NALF1: variants seen among roughly 807,000 people sequenced by gnomAD.
NALF1 encodes family with sequence similarity 155 member A.
A neutral mutation model predicts 48.4 loss-of-function variants in NALF1; 3 were observed. The ratio of observed to expected loss-of-function variants is 0.06; its 90% CI spans 0.03 to 0.16. The LOEUF is 0.16. Ranked by LOEUF, NALF1 falls within the 10% of genes least tolerant of loss-of-function variation. The pLI, the probability that NALF1 is intolerant of heterozygous loss-of-function variation, is 1.00. For synonymous variants in NALF1, 262 were observed against 245.7 expected (o/e 1.07, Z -0.62); for missense variants, 526 against 571.5 (o/e 0.92, Z 0.81).
In NALF1 at chr13:107,610,877, G is replaced by A. The variant is rs150987081; in HGVS notation, c.915+254805C>T. ...ATCAGTGGGGGACCAGGGGCTGGGCGAGCTGACACTAGTGTTGAGAATGAC... is the reference window on the plus strand; with the variant it reads ...ATCAGTGGGGGACCAGGGGCTGGGCAAGCTGACACTAGTGTTGAGAATGAC... On this transcript the variant is annotated intron_variant, in intron 1 of 2. Coordinates refer to ENST00000375915, the MANE Select transcript of NALF1 (RefSeq NM_001080396.3). 6.4e-3 allele frequency among the ~76,000 whole-genome samples: 978 copies of A among 152,282 alleles called. 15 individuals are homozygous for A. The highest frequency in any genetic ancestry group is 0.022 in the African/African-American group (934 of 41,526).
intron 1 of NALF1, among the ~76,000 whole-genome samples, chr13:107,398,043 T>A (rs1337432808): frequency 6.6e-5 from 10 of 152,306 alleles, no homozygotes; most frequent in African/African-American, 1.9e-4. Context: ...AGCAGATTAA[T>A]AATAAGCAAT....
chr13:107,258,794 G>A (rs962364895), intron 1 of NALF1, among the ~76,000 whole-genome samples: 3 of 116,400 alleles, frequency 2.6e-5, no homozygotes, highest in African/African-American at 1.2e-4. Flanking sequence ...AAAGGCTTAA[G>A]GAATTGAGGA....
chr13:107,377,622 TA>T (rs1883360956), intron 1 of NALF1, among the ~76,000 whole-genome samples: 1 of 151,680 alleles, frequency 6.6e-6, no homozygotes, highest in African/African-American at 2.4e-5. Flanking sequence ...AAAATAAAAA[TA>T]AAAAATAATA....
chr13:107,726,771 C>G (rs113612724), intron 1 of NALF1, among the ~76,000 whole-genome samples: 1 of 140,698 alleles, frequency 7.1e-6, no homozygotes, highest in Non-Finnish European at 1.5e-5. Flanking sequence ...CCACCACATG[C>G]GGCTAATTTT....
At chr13:107,573,551 T>A (rs1430538002) in intron 1 of NALF1, among the ~76,000 whole-genome samples, 2 of 152,174 alleles carry the variant, frequency 1.3e-5, no homozygotes, top group Non-Finnish European at 2.9e-5. Context: ...TAGTGATTTA[T>A]AGCAGAACTT....
intron 1 of NALF1, among the ~76,000 whole-genome samples, chr13:107,748,564 C>A (rs960418947): frequency 2.0e-5 from 3 of 152,114 alleles, no homozygotes; most frequent in Non-Finnish European, 2.9e-5. Context: ...AGCACAATTG[C>A]TTGAACAATG....
rs191361565 is a variant in NALF1, at chr13:107,467,465, A to G, written c.916-256710T>C. Among the ~76,000 whole-genome samples the G allele has an allele frequency of 2.5e-4, 38 of 151,716 alleles. 1 individual carries two copies. The East Asian group carries it at 7.2e-3, about 29-fold the overall frequency. On this transcript the variant is annotated intron_variant, in intron 1 of 2. Transcript: ENST00000375915. ...CTTCCATTTCTATGTGAAATATATTAAAATTTTCATGATCTACCCACAAAG... is the reference window on the plus strand; with the variant it reads ...CTTCCATTTCTATGTGAAATATATTGAAATTTTCATGATCTACCCACAAAG...
intron 1 of NALF1, among the ~76,000 whole-genome samples, chr13:107,554,484 C>A (rs960974244): frequency 6.6e-6 from 1 of 152,090 alleles, no homozygotes; most frequent in Non-Finnish European, 1.5e-5. Flanking sequence ...AGGAAAGACC[C>A]AGGCCAGGCA....
chr13:107,323,317 A>T (rs1232323147), intron 1 of NALF1, among the ~76,000 whole-genome samples: 1 of 152,216 alleles, frequency 6.6e-6, no homozygotes, highest in Non-Finnish European at 1.5e-5. Flanking sequence ...ATTTGAAGAC[A>T]CTTCACCAAT....
At chr13:107,739,837 T>A (rs150827225) in intron 1 of NALF1, among the ~76,000 whole-genome samples, 1 of 152,140 alleles carries the variant, frequency 6.6e-6, no homozygotes, top group African/African-American at 2.4e-5. Flanking sequence ...CAGATGCACA[T>A]AGAAGCGCAA....
chr13:107,689,172 C>T (rs1026532503), intron 1 of NALF1, among the ~76,000 whole-genome samples: 1 of 152,166 alleles, frequency 6.6e-6, no homozygotes, highest in Non-Finnish European at 1.5e-5. Context: ...ACCAGATCTG[C>T]GCGCTAGTAG....
intron 1 of NALF1, among the ~76,000 whole-genome samples, chr13:107,558,634 C>A (rs1444064521): frequency 6.6e-6 from 1 of 152,114 alleles, no homozygotes; most frequent in East Asian, 1.9e-4. Flanking sequence ...TGGAAGACAT[C>A]CGGTGGTAGT....
intron 1 of NALF1, among the ~76,000 whole-genome samples, chr13:107,783,566 C>A (rs1249702931): frequency 1.3e-5 from 2 of 152,136 alleles, no homozygotes; most frequent in African/African-American, 4.8e-5. Flanking sequence ...ACCTTACCCC[C>A]CAACCTTGTG....
chr13:107,194,046 ATCTATC>A (rs1566446872), intron 2 of NALF1, among the ~76,000 whole-genome samples: 2 of 119,914 alleles, frequency 1.7e-5, no homozygotes, highest in African/African-American at 3.2e-5. Context: ...CTATCTATCT[ATCTATC>A]TATCTATATA....
At chr13:107,772,886 A>G (rs1157779916) in intron 1 of NALF1, among the ~76,000 whole-genome samples, 2 of 152,296 alleles carry the variant, frequency 1.3e-5, no homozygotes, top group South Asian at 2.1e-4. Context: ...AATCTCTACC[A>G]TATGTGATTA....
chr13:107,512,014 T>C (rs1376004682), intron 1 of NALF1, among the ~76,000 whole-genome samples: 1 of 152,244 alleles, frequency 6.6e-6, no homozygotes, highest in Non-Finnish European at 1.5e-5. Flanking sequence ...ATATGTGTAA[T>C]GTTAGTACAT....
At chr13:107,366,495 G>C (rs568825424) in intron 1 of NALF1, among the ~76,000 whole-genome samples, 1 of 152,268 alleles carries the variant, frequency 6.6e-6, no homozygotes, top group East Asian at 1.9e-4. Flanking sequence ...ACCAACAAAA[G>C]GGGCTCAGCC....
intron 1 of NALF1, among the ~76,000 whole-genome samples, chr13:107,521,272 T>A (rs1036041099): frequency 1.3e-5 from 2 of 152,166 alleles, no homozygotes; most frequent in African/African-American, 4.8e-5. Context: ...CCAGAGAAAA[T>A]CTGACTTATA....
intron 1 of NALF1, among the ~76,000 whole-genome samples, chr13:107,786,854 T>A (rs1257290260): frequency 6.6e-6 from 1 of 152,294 alleles, no homozygotes; most frequent in East Asian, 1.9e-4. Flanking sequence ...TGAAACTCAC[T>A]GAAATCTAAC....
Sources: gnomAD v4.1 joint callset for allele counts (sites outside exome capture counted in the v4.1 genomes callset) on GRCh38, gnomAD v4.1.1 for gene constraint, MANE v1.5 for transcripts, NCBI Gene and HGNC (gene_info 2026-07-23, HGNC 2026-07-21) for gene names.